The following TBL1XR1 variants were observed in gnomAD, a reference collection of about 807,000 sequenced individuals.
TBL1XR1 encodes the protein F-box-like/WD repeat-containing protein TBL1XR1.
Under a neutral mutation model 66.9 loss-of-function variants are expected in TBL1XR1, and 5 were observed. The ratio of observed to expected loss-of-function variants is 0.07; its 90% CI spans 0.04 to 0.16. The LOEUF (loss-of-function observed/expected upper bound fraction) is 0.16, where lower values mean the gene tolerates loss of function less well. TBL1XR1 is among the 10% of genes least tolerant of loss of function. The pLI is 1.00. For missense variants in TBL1XR1, 238 were observed against 623.2 expected, an observed-to-expected ratio of 0.38 and a Z score of 6.58; for synonymous variants, 210 against 206.0, an observed-to-expected ratio of 1.02 and a Z score of -0.17.
In TBL1XR1 at chr3:177,112,103, ATATATTTTT is replaced by A. The variant is rs1190331136; in HGVS notation, c.-121-13571_-121-13563del. ...TATATATATATATATATATATATAT[ATATATTTTT>A]TTTTTTTTTTTTTGTGAGGGGCTCT... On this transcript the variant is annotated intron_variant, in intron 1 of 15. Transcript: ENST00000457928. Among the ~76,000 whole-genome samples the A allele has an allele frequency of 9.0e-4, 42 of 46,926 alleles. 2 individuals are homozygous for A. In the East Asian group the frequency reaches 0.036, roughly 41 times the overall value. 30.8% of individuals were successfully genotyped at this position (46,926 alleles called of 152,430 possible).
intron 14 of TBL1XR1, among the ~76,000 whole-genome samples, chr3:177,028,181 T>C (rs570679300): frequency 5.3e-5 from 8 of 152,148 alleles, no homozygotes; most frequent in Admixed American, 3.9e-4. Flanking sequence ...CATCAAATGC[T>C]TAGGCAACTC....
intron 2 of TBL1XR1, among the ~76,000 whole-genome samples, chr3:177,067,754 A>C (rs749497908): frequency 6.6e-6 from 1 of 152,174 alleles, no homozygotes; most frequent in African/African-American, 2.4e-5. Flanking sequence ...AAACAACTTA[A>C]AAGCCTATGT....
chr3:177,130,392 A>C (rs993132486), intron 1 of TBL1XR1, among the ~76,000 whole-genome samples: 2 of 152,216 alleles, frequency 1.3e-5, no homozygotes, highest in Admixed American at 1.3e-4. Context: ...CAACAAAAAC[A>C]AAACAAGAAA....
chr3:177,050,222 A>G lies in TBL1XR1; in HGVS notation c.561-84T>C, dbSNP rs1577025221. 6 of 1,472,002 alleles carry G rather than the reference A, an allele frequency of 4.1e-6. No individual in the cohort carries two copies. The East Asian group carries it at 6.8e-5, about 17-fold the overall frequency. The allele number at this position is 1,472,002 out of a possible 1,614,324, so 91.2% of individuals were successfully genotyped here. On this transcript the variant is annotated intron_variant, in intron 6 of 15. Coordinates refer to ENST00000457928, the MANE Select transcript of TBL1XR1 (RefSeq NM_024665.7). ...GCAACATATTTACATCTGAATATTA[A>G]TAAGGCAAATAAAAACGACTATCAC...
chr3:177,185,603 T>C (rs1735306740), intron 1 of TBL1XR1, among the ~76,000 whole-genome samples: 1 of 109,436 alleles, frequency 9.1e-6, no homozygotes, highest in African/African-American at 3.1e-5. Context: ...ATGAGACTGT[T>C]TCCAAAAAAA....
chr3:177,050,732 A>G (rs1716952341), intron 5 of TBL1XR1, 122 bp from the exon 6 acceptor site: 2 of 1,064,334 alleles, frequency 1.9e-6, no homozygotes, highest in Admixed American at 2.5e-5. Context: ...TTTCAATTAT[A>G]TCCAGTTAAG....
At chr3:177,135,723 G>T (rs1270958417) in intron 1 of TBL1XR1, among the ~76,000 whole-genome samples, 2 of 151,866 alleles carry the variant, frequency 1.3e-5, no homozygotes, top group African/African-American at 4.8e-5. Flanking sequence ...AAGCTAACAA[G>T]ATATTATTTC....
At chr3:177,103,622 AATTT>A (rs1363677872) in intron 1 of TBL1XR1, among the ~76,000 whole-genome samples, 5 of 152,152 alleles carry the variant, frequency 3.3e-5, no homozygotes, top group African/African-American at 7.2e-5. Context: ...TCTAGAAGTA[AATTT>A]ATTTAATTTA....
intron 3 of TBL1XR1, among the ~76,000 whole-genome samples, chr3:177,056,473 C>T (rs1717817449): frequency 6.6e-6 from 1 of 152,130 alleles, no homozygotes; most frequent in Admixed American, 6.6e-5. Flanking sequence ...ACTTAGGATG[C>T]TCTCAAATAG....
intron 1 of TBL1XR1, among the ~76,000 whole-genome samples, chr3:177,143,346 T>C (rs536003458): frequency 1.3e-5 from 2 of 151,418 alleles, no homozygotes; most frequent in Non-Finnish European, 2.9e-5. Flanking sequence ...AGAACATAAC[T>C]ACAGTGAATG....
intron 1 of TBL1XR1, among the ~76,000 whole-genome samples, chr3:177,107,873 C>T (rs1725075754): frequency 1.3e-5 from 2 of 152,162 alleles, no homozygotes; most frequent in Admixed American, 1.3e-4. Context: ...TGGTCTAAGG[C>T]AAACTATGGC....
At chr3:177,180,624 A>C (rs13081903) in intron 1 of TBL1XR1, among the ~76,000 whole-genome samples, 1 of 151,920 alleles carries the variant, frequency 6.6e-6, no homozygotes, top group South Asian at 2.1e-4. Flanking sequence ...GTAGCTCAAA[A>C]ACAAATGCGT....
At chr3:177,142,172 T>C (rs1347815428) in intron 1 of TBL1XR1, among the ~76,000 whole-genome samples, 1 of 152,206 alleles carries the variant, frequency 6.6e-6, no homozygotes, top group Non-Finnish European at 1.5e-5. Context: ...AGGAGGCTTC[T>C]TGGCTTCACC....
intron 2 of TBL1XR1, among the ~76,000 whole-genome samples, chr3:177,073,347 T>C (rs1335575319): frequency 1.3e-5 from 2 of 152,176 alleles, no homozygotes; most frequent in Non-Finnish European, 2.9e-5. Context: ...CCTAAATCTT[T>C]AGTTTGGTTT....
intron 1 of TBL1XR1, among the ~76,000 whole-genome samples, chr3:177,152,766 A>T (rs1344865788): frequency 4.6e-5 from 7 of 152,102 alleles, no homozygotes; most frequent in Non-Finnish European, 8.8e-5. Flanking sequence ...TTTGTTCTTG[A>T]TTATCCCTAA....
chr3:177,055,138 A>G (rs958587438), intron 3 of TBL1XR1, among the ~76,000 whole-genome samples: 2 of 152,150 alleles, frequency 1.3e-5, no homozygotes, highest in African/African-American at 2.4e-5. Flanking sequence ...TAATCTATAT[A>G]GTATGTCTGT....
At chr3:177,039,445 T>C (rs903352740) in intron 10 of TBL1XR1, among the ~76,000 whole-genome samples, 8 of 152,316 alleles carry the variant, frequency 5.3e-5, no homozygotes, top group Middle Eastern at 6.8e-3. Context: ...AATAATTTTC[T>C]TCTAAGCAAC....
At chr3:177,040,583 G>A (rs544615732) in intron 10 of TBL1XR1, among the ~76,000 whole-genome samples, 10 of 151,806 alleles carry the variant, frequency 6.6e-5, no homozygotes, top group African/African-American at 2.4e-4. Flanking sequence ...GGGAAAAGAA[G>A]ATTTAAAGCA....
intron 2 of TBL1XR1, chr3:177,079,477 T>A (rs1381696814): frequency 6.6e-6 from 1 of 151,562 alleles, no homozygotes; most frequent in Non-Finnish European, 1.5e-5. Flanking sequence ...GCTGCTTAGA[T>A]CTTATCCACA....
Sources: gnomAD v4.1 joint callset for allele counts (sites outside exome capture counted in the v4.1 genomes callset) on GRCh38, gnomAD v4.1.1 for gene constraint, MANE v1.5 for transcripts, NCBI Gene and HGNC (gene_info 2026-07-23, HGNC 2026-07-21) for gene names.